The following HTR7 variants were observed in gnomAD, a reference collection of about 807,000 sequenced individuals.
HTR7 encodes the protein 5-HT-7.
Under a neutral mutation model 34.0 loss-of-function variants are expected in HTR7, and 16 were observed. The observed-to-expected ratio is 0.47, with a 90% CI of 0.32 to 0.71. HTR7 has a LOEUF of 0.71. Ranked by LOEUF, HTR7 falls within the 30% of genes least tolerant of loss-of-function variation. The pLI is 0.04. For synonymous variants in HTR7, 265 were observed against 260.2 expected (o/e 1.02, Z -0.18); for missense variants, 504 against 625.5 (o/e 0.81, Z 2.07).
chr10:90,823,518 A>T (rs983370411), intron 1 of HTR7, among the ~76,000 whole-genome samples: 4 of 152,214 alleles, frequency 2.6e-5, no homozygotes, highest in African/African-American at 9.6e-5. Context: ...TTACAGGCTC[A>T]TAGTGGAAGG....
At chr10:90,849,463 G>A (rs543294850) in intron 1 of HTR7, among the ~76,000 whole-genome samples, 1 of 152,226 alleles carries the variant, frequency 6.6e-6, no homozygotes, top group African/African-American at 2.4e-5. Context: ...ATATTAGTTG[G>A]TGAGTTTTCA....
intron 1 of HTR7, among the ~76,000 whole-genome samples, chr10:90,832,553 C>T (rs987443991): frequency 3.9e-5 from 6 of 152,194 alleles, no homozygotes; most frequent in Non-Finnish European, 8.8e-5. Flanking sequence ...CCGCTCGTGC[C>T]TCTCTCTCCA....
intron 1 of HTR7, among the ~76,000 whole-genome samples, chr10:90,805,993 GTTAC>G (rs1463733481): frequency 2.6e-5 from 4 of 152,026 alleles, no homozygotes; most frequent in African/African-American, 7.2e-5. Flanking sequence ...GTAAATTAGG[GTTAC>G]TTAGTTAGAA....
chr10:90,785,487 A>G (rs532913074), intron 1 of HTR7, among the ~76,000 whole-genome samples: 20 of 152,208 alleles, frequency 1.3e-4, no homozygotes, highest in Admixed American at 9.8e-4. Flanking sequence ...ATACCTTCGT[A>G]ATGTCTGTCT....
rs1327408257 is a variant in HTR7 at position 90,799,783 on chromosome 10, A to T, written c.540-50189T>A. Among the ~76,000 whole-genome samples the T allele has an allele frequency of 4.7e-4, 71 of 152,168 alleles. 1 individual carries two copies. On this transcript the variant is annotated intron_variant, in intron 1 of 3. Transcript: ENST00000336152. The stretch of plus-strand genomic sequence containing the variant: ...AATCCATTCTGACTGGTCAGTGGTG[A>T]TAGTTAAACATTGTATTATCCCTAG...
chr10:90,755,878 C>T (rs1454977282), intron 1 of HTR7, among the ~76,000 whole-genome samples: 2 of 152,140 alleles, frequency 1.3e-5, no homozygotes, highest in East Asian at 1.9e-4. Flanking sequence ...ATATAATGAA[C>T]ATTAACCAAA....
intron 2 of HTR7, among the ~76,000 whole-genome samples, chr10:90,748,133 T>A (rs922558666): frequency 6.6e-5 from 10 of 152,210 alleles, no homozygotes; most frequent in African/African-American, 2.4e-4. Context: ...TAAAAGCTCC[T>A]GTGGCTCTTT....
intron 1 of HTR7, among the ~76,000 whole-genome samples, chr10:90,851,381 C>T (rs546839462): frequency 1.0e-3 from 153 of 151,660 alleles, no homozygotes; most frequent in Middle Eastern, 6.8e-3. Flanking sequence ...CCAAGGCGGG[C>T]GGATCATGAG....
At chr10:90,827,664 A>G (rs1846099073) in intron 1 of HTR7, among the ~76,000 whole-genome samples, 1 of 152,238 alleles carries the variant, frequency 6.6e-6, no homozygotes, top group South Asian at 2.1e-4. Context: ...AAAAGGGTCA[A>G]TTCTGCAAGA....
intron 1 of HTR7, among the ~76,000 whole-genome samples, chr10:90,763,984 T>C (rs550841320): frequency 1.3e-4 from 20 of 152,298 alleles, no homozygotes; most frequent in African/African-American, 4.8e-4. Flanking sequence ...AGTAATGGGA[T>C]TGCTGGGTCA....
chr10:90,777,480 CA>C (rs1187256524), intron 1 of HTR7, among the ~76,000 whole-genome samples: 1,131 of 50,630 alleles, frequency 0.022, 10 homozygotes, highest in African/African-American at 0.068. Flanking sequence ...GACTCCGTCT[CA>C]AAAAAAAAAA....
At position 90,842,716 on chromosome 10, in the gene HTR7, T is replaced by TGA. The variant is rs1215699401; in HGVS notation, c.539+14415_539+14416dup. 5.2e-5 allele frequency among the ~76,000 whole-genome samples: 7 copies of TGA among 135,590 alleles called. No individual in the cohort carries two copies. The East Asian group carries it at 1.5e-3, about 28-fold the overall frequency. The allele number at this position is 135,590 out of a possible 152,430, so 89.0% of individuals were successfully genotyped here. On this transcript the variant is annotated intron_variant, in intron 1 of 3. Coordinates refer to ENST00000336152, the MANE Select transcript of HTR7 (RefSeq NM_019859.4). Reference sequence around the variant, plus strand: ...CTTCATCAAAAATGTGTTTATTTAGTGAAAAAAAAAAAAGGACCCTGAGAT... The same window carrying TGA: ...CTTCATCAAAAATGTGTTTATTTAGTGAGAAAAAAAAAAAAGGACCCTGAGAT...
At chr10:90,776,501 T>C (rs1415294657) in intron 1 of HTR7, among the ~76,000 whole-genome samples, 2 of 152,226 alleles carry the variant, frequency 1.3e-5, no homozygotes, top group African/African-American at 4.8e-5. Flanking sequence ...TTAGACAAGA[T>C]GCGAAGCTTC....
intron 1 of HTR7, among the ~76,000 whole-genome samples, chr10:90,820,329 G>A (rs1845959635): frequency 6.6e-6 from 1 of 152,116 alleles, no homozygotes; most frequent in African/African-American, 2.4e-5. Context: ...AGGGAAGTAG[G>A]GACGAGAAAG....
chr10:90,748,747 C>A, intron 2 of HTR7, 92 bp downstream of exon 2: 3 of 1,336,304 alleles, frequency 2.2e-6, no homozygotes, highest in Non-Finnish European at 3.1e-6. Flanking sequence ...ACTAAGCTAG[C>A]TACTCGTTCA....
At chr10:90,796,746 C>T (rs1377879044) in intron 1 of HTR7, among the ~76,000 whole-genome samples, 2 of 152,166 alleles carry the variant, frequency 1.3e-5, no homozygotes, top group African/African-American at 2.4e-5. Context: ...GCTAGGCTCA[C>T]GGCTGTAATC....
Position 90,751,903 on chromosome 10 carries a change from G to T in HTR7, c.540-2309C>A, listed in dbSNP as rs35230076. 6.1e-3 allele frequency among the ~76,000 whole-genome samples: 923 copies of T among 152,160 alleles called. 3 individuals are homozygous for T. The highest frequency in any genetic ancestry group is 8.8e-3 in the Non-Finnish European group (596 of 68,004). Reference sequence around the variant, plus strand: ...TACAGAATTCACAAAGATTAATCCGGAGAGATTAATAGAGTACAAAGAACA... The same window carrying T: ...TACAGAATTCACAAAGATTAATCCGTAGAGATTAATAGAGTACAAAGAACA... On this transcript the variant is annotated intron_variant, in intron 1 of 3. Transcript: ENST00000336152.
At chr10:90,763,018 C>T (rs1844964628) in intron 1 of HTR7, among the ~76,000 whole-genome samples, 1 of 152,042 alleles carries the variant, frequency 6.6e-6, no homozygotes, top group Non-Finnish European at 1.5e-5. Flanking sequence ...TATGCCAGTA[C>T]CATATTGTTT....
intron 1 of HTR7, among the ~76,000 whole-genome samples, chr10:90,803,777 G>A (rs552892430): frequency 1.3e-4 from 20 of 152,282 alleles, no homozygotes; most frequent in African/African-American, 4.6e-4. Flanking sequence ...GCACTGCTTT[G>A]GAGATACTTT....
Sources: allele counts gnomAD v4.1 joint callset (sites outside exome capture counted in the v4.1 genomes callset), GRCh38; gene constraint gnomAD v4.1.1; transcripts MANE v1.5; gene names NCBI Gene and HGNC (gene_info 2026-07-23, HGNC 2026-07-21).